The following PCDHGB1 variants were observed in gnomAD, a reference collection of about 807,000 sequenced individuals.
The protein encoded by PCDHGB1 is protocadherin gamma subfamily B, 1.
In PCDHGB1, 34 loss-of-function variants were observed where a neutral mutation model predicts 56.6. The ratio of observed to expected loss-of-function variants is 0.60; its 90% CI spans 0.46 to 0.80. The LOEUF is 0.80. PCDHGB1 is among the 30% of genes least tolerant of loss of function. The pLI, the probability that PCDHGB1 is intolerant of heterozygous loss-of-function variation, is 0.00. For synonymous variants in PCDHGB1, 561 were observed against 505.9 expected (o/e 1.11, Z -1.46); for missense variants, 1,278 against 1,204.6 (o/e 1.06, Z -0.90).
intron 1 of PCDHGB1, among the ~76,000 whole-genome samples, chr5:141,387,290 A>G (rs2090890389): frequency 6.6e-6 from 1 of 152,168 alleles, no homozygotes; most frequent in Non-Finnish European, 1.5e-5. Flanking sequence ...GAAAGATAAA[A>G]TGTATCCAGT....
intron 1 of PCDHGB1, chr5:141,388,466 G>A (rs1426666369): frequency 6.2e-7 from 1 of 1,613,812 alleles, no homozygotes. Flanking sequence ...ACCCTGAGAT[G>A]GTATTGAAGA....
chr5:141,383,900 T>C (rs766644204), intron 1 of PCDHGB1: 6 of 1,613,976 alleles, frequency 3.7e-6, no homozygotes, highest in Non-Finnish European at 5.1e-6. Context: ...GCAAAAGTAC[T>C]GATCACAGTT....
chr5:141,430,809 G>A (rs949727881), intron 1 of PCDHGB1: 5 of 1,527,014 alleles, frequency 3.3e-6, no homozygotes, highest in Non-Finnish European at 4.4e-6. Context: ...GTCCTGCTGG[G>A]AATCCTCCTG....
intron 1 of PCDHGB1, chr5:141,420,334 T>C: frequency 7.1e-7 from 1 of 1,402,910 alleles, no homozygotes; most frequent in Non-Finnish European, 9.5e-7. Flanking sequence ...TATATTCCAA[T>C]ATAGTGGTAT....
chr5:141,366,698 C>G, intron 1 of PCDHGB1: 1 of 1,614,234 alleles, frequency 6.2e-7, no homozygotes, highest in Non-Finnish European at 8.5e-7. Flanking sequence ...GAAAAGCGAG[C>G]CTCTTCTGAT....
At chr5:141,382,520 G>A (rs1778262322) in intron 1 of PCDHGB1, among the ~76,000 whole-genome samples, 1 of 152,192 alleles carries the variant, frequency 6.6e-6, no homozygotes, top group South Asian at 2.1e-4. Context: ...TTAATTCAGT[G>A]TCTTAAAATG....
rs543366398 is a variant in PCDHGB1 at position 141,390,062 on chromosome 5, G to A, written c.2409+37393G>A. On this transcript the variant is annotated intron_variant, in intron 1 of 3. Coordinates refer to ENST00000523390, the MANE Select transcript of PCDHGB1 (RefSeq NM_018922.3). ...GCCCCGCCTCCTGGAGCTGCTTCCAGCCTGGTCTCTGTGTTAAATCCGAAT... is the reference window on the plus strand; with the variant it reads ...GCCCCGCCTCCTGGAGCTGCTTCCAACCTGGTCTCTGTGTTAAATCCGAAT... 101 of 1,614,064 alleles carry A rather than the reference G, an allele frequency of 6.3e-5. 1 individual carries two copies. The Admixed American group carries it at 8.2e-4, about 13-fold the overall frequency.
At chr5:141,365,601 T>G in intron 1 of PCDHGB1, 1 of 1,613,644 alleles carries the variant, frequency 6.2e-7, no homozygotes, top group Non-Finnish European at 8.5e-7. Flanking sequence ...ACTTTAACCG[T>G]CATGGACCAT....
rs766168062 is a variant in PCDHGB1, at chr5:141,491,124, G to A, written c.2410-3683G>A. ...TCGTGTCTACACACACTGGTGAGGT[G>A]CGCACAGCCCGGGCCTTACTGGAGG... On this transcript the variant is annotated intron_variant, in intron 1 of 3. Transcript: ENST00000523390. The surrounding 1 kb of genome is among the most constrained non-coding windows in gnomAD (Gnocchi z 6.9). 22 of 1,614,092 alleles carry A rather than the reference G, an allele frequency of 1.4e-5. No individual in the cohort carries two copies. The highest frequency in any genetic ancestry group is 3.3e-5 in the Admixed American group (2 of 60,004).
chr5:141,361,163 G>A (rs1176062621), intron 1 of PCDHGB1: 2 of 1,613,940 alleles, frequency 1.2e-6, no homozygotes, highest in Middle Eastern at 1.6e-4. Flanking sequence ...GACAACGATT[G>A]TGCACCTGAA....
chr5:141,416,223 A>AT, intron 1 of PCDHGB1: 1 of 152,302 alleles, frequency 6.6e-6, no homozygotes, highest in East Asian at 1.9e-4. Flanking sequence ...GTATGCTTAG[A>AT]TTTTTCCAGC....
intron 1 of PCDHGB1, among the ~76,000 whole-genome samples, chr5:141,354,713 G>A (rs1759614162): frequency 6.6e-6 from 1 of 152,158 alleles, no homozygotes; most frequent in Non-Finnish European, 1.5e-5. Flanking sequence ...CTGAGAATGG[G>A]CTGTGGGGAT....
At chr5:141,361,619 A>G in intron 1 of PCDHGB1, 4 of 1,613,920 alleles carry the variant, frequency 2.5e-6, no homozygotes, top group Non-Finnish European at 3.4e-6. Context: ...GTAGCGAGCG[A>G]CCTGAAGCCG....
chr5:141,396,804 G>A lies in PCDHGB1; in HGVS notation c.2409+44135G>A, dbSNP rs189942396. On this transcript the variant is annotated intron_variant, in intron 1 of 3. Coordinates refer to ENST00000523390, the MANE Select transcript of PCDHGB1 (RefSeq NM_018922.3). ...AAGGACATTTCCTAAGGATTGTGTA[G>A]TGTTCTACTGTATGGTGCATATTCA... Among the ~76,000 whole-genome samples the A allele has an allele frequency of 2.8e-4, 42 of 152,300 alleles. 1 individual carries two copies. The highest frequency in any genetic ancestry group is 9.6e-4 in the African/African-American group (40 of 41,552).
chr5:141,356,858 T>C, intron 1 of PCDHGB1: 1 of 1,614,210 alleles, frequency 6.2e-7, no homozygotes, highest in Non-Finnish European at 8.5e-7. Flanking sequence ...CTCTTTGTGC[T>C]GGACCAGAAC....
Position 141,432,759 on chromosome 5 carries a change from G to A in PCDHGB1, c.2410-62048G>A. 6.2e-7 allele frequency: 1 copy of A among 1,614,150 alleles called. No individual in the cohort carries two copies. The highest frequency in any genetic ancestry group is 8.5e-7 in the Non-Finnish European group (1 of 1,180,006). On this transcript the variant is annotated intron_variant, in intron 1 of 3. Coordinates refer to ENST00000523390, the MANE Select transcript of PCDHGB1 (RefSeq NM_018922.3). This position sits in a 1 kb window ranked among gnomAD's most constrained non-coding sequence, Gnocchi z 6.0. ...ACGCTCACCGTGGCCGTGGCCGACA[G>A]CATCCCCCAAGTCCTGGCGGACCTC...
At chr5:141,451,127 CT>C (rs1264048458) in intron 1 of PCDHGB1, among the ~76,000 whole-genome samples, 1 of 152,132 alleles carries the variant, frequency 6.6e-6, no homozygotes, top group Non-Finnish European at 1.5e-5. Context: ...CACACCCAGC[CT>C]TATGATTGTA....
chr5:141,414,942 C>T, intron 1 of PCDHGB1: 3 of 1,614,126 alleles, frequency 1.9e-6, no homozygotes, highest in Non-Finnish European at 1.7e-6. Context: ...CAGAGCCCGG[C>T]TACCTGGTGA....
intron 1 of PCDHGB1, chr5:141,378,992 A>G (rs1300045216): frequency 6.6e-6 from 1 of 152,246 alleles, no homozygotes; most frequent in Non-Finnish European, 1.5e-5. Flanking sequence ...ACTACATTAT[A>G]GTCAAGATTT....
Sources: gnomAD v4.1 joint callset for allele counts (sites outside exome capture counted in the v4.1 genomes callset) on GRCh38, gnomAD v4.1.1 for gene constraint, Gnocchi (gnomAD v3.1) non-coding constraint, MANE v1.5 for transcripts, NCBI Gene and HGNC (gene_info 2026-07-23, HGNC 2026-07-21) for gene names.